The following NCAM2 variants were observed in gnomAD, a reference collection of about 807,000 sequenced individuals.
The protein encoded by NCAM2 is neural cell adhesion molecule 2.
Under a neutral mutation model 98.1 loss-of-function variants are expected in NCAM2, and 30 were observed. That is an observed-to-expected ratio of 0.31 (90% confidence interval 0.23 to 0.41). The LOEUF (loss-of-function observed/expected upper bound fraction) is 0.41, where lower values mean the gene tolerates loss of function less well. NCAM2 is among the 10% of genes least tolerant of loss of function. NCAM2 has a pLI of 1.00. For synonymous variants in NCAM2, 368 were observed against 342.4 expected (o/e 1.07, Z -0.83); for missense variants, 867 against 1,005.8 (o/e 0.86, Z 1.87).
At chr21:21,232,318 TA>T (rs2070663155) in intron 1 of NCAM2, among the ~76,000 whole-genome samples, 1 of 151,640 alleles carries the variant, frequency 6.6e-6, no homozygotes, top group East Asian at 1.9e-4. Flanking sequence ...AAATTACCAA[TA>T]AAAAACAGAT....
intron 14 of NCAM2, among the ~76,000 whole-genome samples, chr21:21,474,899 T>C (rs1361901172): frequency 6.6e-6 from 1 of 151,886 alleles, no homozygotes; most frequent in Non-Finnish European, 1.5e-5. Context: ...TTTGTGTGTG[T>C]ATATATATAC....
At chr21:21,531,121 T>A (rs981287170) in intron 16 of NCAM2, among the ~76,000 whole-genome samples, 6 of 152,162 alleles carry the variant, frequency 3.9e-5, no homozygotes, top group Admixed American at 3.3e-4. Context: ...CACACTTTCA[T>A]AGAGTTATTT....
intron 6 of NCAM2, among the ~76,000 whole-genome samples, chr21:21,333,018 G>A (rs1330745648): frequency 6.6e-6 from 1 of 152,134 alleles, no homozygotes; most frequent in Non-Finnish European, 1.5e-5. Flanking sequence ...CCTGAAAAAG[G>A]GGACGCTTAG....
At chr21:21,198,162 T>G (rs906133624) in intron 1 of NCAM2, among the ~76,000 whole-genome samples, 7 of 150,896 alleles carry the variant, frequency 4.6e-5, no homozygotes, top group African/African-American at 1.7e-4. Context: ...AATCTAGTTA[T>G]TTTTTTAAAT....
chr21:21,232,073 C>A (rs530949765), intron 1 of NCAM2, among the ~76,000 whole-genome samples: 2 of 151,436 alleles, frequency 1.3e-5, no homozygotes, highest in East Asian at 3.9e-4. Context: ...ATTTTAAATC[C>A]TTTCTCCCCA....
chr21:21,208,998 A>G (rs1439157643), intron 1 of NCAM2, among the ~76,000 whole-genome samples: 1 of 152,072 alleles, frequency 6.6e-6, no homozygotes, highest in South Asian at 2.1e-4. Context: ...TGGCACATTG[A>G]TGCCTCATCT....
intron 15 of NCAM2, among the ~76,000 whole-genome samples, chr21:21,489,125 G>A (rs144748151): frequency 2.2e-3 from 330 of 151,974 alleles, no homozygotes; most frequent in African/African-American, 7.6e-3. Flanking sequence ...CTAGTAGCTG[G>A]GTGTGCTACT....
intron 1 of NCAM2, among the ~76,000 whole-genome samples, chr21:21,112,670 C>T (rs575754529): frequency 2.6e-5 from 4 of 152,224 alleles, no homozygotes; most frequent in African/African-American, 4.8e-5. Flanking sequence ...AAACTTTTAT[C>T]GGTCTGTCAC....
rs181313226 is a variant in NCAM2 at position 21,160,906 on chromosome 21, G to C, written c.56-119672G>C. On this transcript the variant is annotated intron_variant, in intron 1 of 17. Transcript: ENST00000400546. ...TCTTGACTATATTATATTTGAATGA[G>C]CCCTATAGCACTGAATAATGTTGGA... 1.8e-3 allele frequency among the ~76,000 whole-genome samples: 277 copies of C among 152,004 alleles called. 5 individuals carry two copies. The highest frequency in any genetic ancestry group is 2.5e-3 in the Non-Finnish European group (172 of 67,868).
chr21:21,056,537 GGAGAGAGAGGAGA>G (rs770832875), intron 1 of NCAM2, among the ~76,000 whole-genome samples: 1 of 141,994 alleles, frequency 7.0e-6, no homozygotes, highest in Non-Finnish European at 1.5e-5. Context: ...TGAGAGAGGG[GGAGAGAGAGGAGA>G]GAGAGAGAGA....
chr21:21,049,534 T>G (rs1432103762), intron 1 of NCAM2, among the ~76,000 whole-genome samples: 2 of 152,036 alleles, frequency 1.3e-5, no homozygotes, highest in Non-Finnish European at 2.9e-5. Context: ...CTTTTTTTTT[T>G]TAAATGTTAC....
At chr21:21,485,694 T>C (rs1247447504) in intron 15 of NCAM2, among the ~76,000 whole-genome samples, 1 of 152,172 alleles carries the variant, frequency 6.6e-6, no homozygotes, top group Non-Finnish European at 1.5e-5. Flanking sequence ...CTTATTTATT[T>C]AGGACAATAG....
At chr21:21,455,008 G>A (rs560955959) in intron 12 of NCAM2, among the ~76,000 whole-genome samples, 3 of 151,702 alleles carry the variant, frequency 2.0e-5, no homozygotes, top group Non-Finnish European at 4.4e-5. Flanking sequence ...ATTTGCCTAA[G>A]GATAGCAATT....
chr21:21,152,538 A>G (rs1431584826), intron 1 of NCAM2, among the ~76,000 whole-genome samples: 1 of 151,964 alleles, frequency 6.6e-6, no homozygotes, highest in Non-Finnish European at 1.5e-5. Flanking sequence ...GCAACAATTG[A>G]AACATTTCAG....
At chr21:21,367,619 T>TGGGTGTA (rs1043936047) in intron 8 of NCAM2, among the ~76,000 whole-genome samples, 1 of 151,968 alleles carries the variant, frequency 6.6e-6, no homozygotes, top group Non-Finnish European at 1.5e-5. Flanking sequence ...ATGAAATAGA[T>TGGGTGTA]GGGTGTATGA....
intron 1 of NCAM2, among the ~76,000 whole-genome samples, chr21:21,279,857 T>A (rs2072865929): frequency 1.3e-5 from 2 of 152,250 alleles, no homozygotes; most frequent in African/African-American, 4.8e-5. Context: ...ACGTGGAAGG[T>A]GAGACGGAGT....
chr21:21,034,476 G>A (rs1326525643), intron 1 of NCAM2, among the ~76,000 whole-genome samples: 1 of 152,036 alleles, frequency 6.6e-6, no homozygotes, highest in African/African-American at 2.4e-5. Flanking sequence ...AGGCACAAAG[G>A]CTGATACTCA....
chr21:21,519,719 G>T (rs1988910583), intron 16 of NCAM2, among the ~76,000 whole-genome samples: 1 of 151,992 alleles, frequency 6.6e-6, no homozygotes, highest in Non-Finnish European at 1.5e-5. Context: ...TGGAAAAACA[G>T]ATTTCAGCTC....
At position 21,070,541 on chromosome 21, in the gene NCAM2, C is replaced by T. The variant is rs1395780671; in HGVS notation, c.55+71923C>T. 2.0e-5 allele frequency among the ~76,000 whole-genome samples: 3 copies of T among 151,868 alleles called. No individual in the cohort carries two copies. In the East Asian group the frequency reaches 5.8e-4, roughly 29 times the overall value. ...AATGAAGGCAAGAAAGTAAGGAAAA[C>T]ATGAGTATTTATTTAAAGTGAGTAG... is the stretch of plus-strand genomic sequence containing the variant. On this transcript the variant is annotated intron_variant, in intron 1 of 17. Coordinates refer to ENST00000400546, the MANE Select transcript of NCAM2 (RefSeq NM_004540.5).
Sources: gnomAD v4.1 joint callset for allele counts (sites outside exome capture counted in the v4.1 genomes callset) on GRCh38, gnomAD v4.1.1 for gene constraint, MANE v1.5 for transcripts, NCBI Gene and HGNC (gene_info 2026-07-23, HGNC 2026-07-21) for gene names.